TULP3: variants seen among roughly 807,000 people sequenced by gnomAD.
The protein encoded by TULP3 is tubby-related protein 3.
TULP3 carries 38 observed loss-of-function variants against 50.7 expected under a neutral mutation model. That is an observed-to-expected ratio of 0.75 (90% confidence interval 0.58 to 0.98). The LOEUF is 0.98. Ranked by LOEUF, TULP3 falls within the 50% of genes least tolerant of loss-of-function variation. The pLI is 0.00. For missense variants in TULP3, 550 were observed against 568.0 expected (o/e 0.97, Z 0.32); for synonymous variants, 183 against 196.6 (o/e 0.93, Z 0.58).
At chr12:2,930,193 A>C in intron 4 of TULP3, 55 bp from the exon 5 acceptor site, 6 of 1,233,870 alleles carry the variant, frequency 4.9e-6, no homozygotes, top group Non-Finnish European at 6.9e-6. Flanking sequence ...TCTTTGTTTC[A>C]AAGACCTTTT....
intron 1 of TULP3, among the ~76,000 whole-genome samples, chr12:2,900,928 G>A (rs1259677487): frequency 6.8e-6 from 1 of 147,698 alleles, no homozygotes; most frequent in Non-Finnish European, 1.5e-5. Flanking sequence ...GCCCAGGCTG[G>A]TCTTGAGCTC....
At chr12:2,929,503 G>T (rs1311759003) in intron 4 of TULP3, among the ~76,000 whole-genome samples, 1 of 152,188 alleles carries the variant, frequency 6.6e-6, no homozygotes, top group African/African-American at 2.4e-5. Context: ...ATGGAGACAG[G>T]TCTCAAACTG....
In TULP3 at chr12:2,939,790, C is replaced by T. The variant is rs1299556409; in HGVS notation, c.*346C>T. The T allele has an allele frequency of 1.7e-6, 2 of 1,197,096 alleles. No individual in the cohort carries two copies. The highest frequency in any genetic ancestry group is 3.2e-5 in the African/African-American group (2 of 63,124). 74.2% of individuals were successfully genotyped at this position (1,197,096 alleles called of 1,614,324 possible). A position where few individuals can be genotyped will look rare whatever the true frequency, so the allele number is the denominator to read the frequency against. On this transcript the variant is annotated 3_prime_UTR_variant, in exon 11 of 11. Coordinates refer to ENST00000448120, the MANE Select transcript of TULP3 (RefSeq NM_003324.5). The surrounding 1 kb of genome is among the most constrained non-coding windows in gnomAD (Gnocchi z 4.0). ...AATAGTTTGCCCCTTTTGGAACGAC[C>T]CCTGAATATATAAAACACACACACA... is the stretch of plus-strand genomic sequence containing the variant.
intron 4 of TULP3, among the ~76,000 whole-genome samples, chr12:2,929,641 A>C (rs139618653): frequency 6.6e-6 from 1 of 151,578 alleles, no homozygotes. Flanking sequence ...CCCAGGCTAT[A>C]GTACAGTGGC....
In TULP3 at chr12:2,940,816, C is replaced by G. The variant is rs2098204399; in HGVS notation, c.*1372C>G. ...GGTGAGGACGAGACTGTTTCCATCT[C>G]AGGCATGTATCCCACCAAGTGCCTC... On this transcript the variant is annotated 3_prime_UTR_variant, in exon 11 of 11. Coordinates refer to ENST00000448120, the MANE Select transcript of TULP3 (RefSeq NM_003324.5). 1.6e-6 allele frequency: 2 copies of G among 1,228,870 alleles called. No individual in the cohort carries two copies. Among genetic ancestry groups the G allele is most frequent in the East Asian group, 5.2e-5 (2 of 38,742 alleles). The allele number at this position is 1,228,870 out of a possible 1,614,324, so 76.1% of individuals were successfully genotyped here.
Position 2,920,925 on chromosome 12 carries a change from G to C in TULP3, c.253+3G>C, listed in dbSNP as rs2098191327. ...CCACAGCAATGTCATCTTACATGGT[G>C]TGTATTTAGGCAGCATCACTTCCTA... On this transcript the variant is annotated splice_donor_region_variant and intron_variant, in intron 3 of 10. Transcript: ENST00000448120. 5 of 1,613,948 alleles carry C rather than the reference G, an allele frequency of 3.1e-6. No individual in the cohort carries two copies. The South Asian group carries it at 5.5e-5, about 18-fold the overall frequency.
chr12:2,933,491 AT>A lies in TULP3; in HGVS notation c.773del (p.Leu258TyrfsTer31). 1 of 1,614,036 alleles carries A rather than the reference AT, an allele frequency of 6.2e-7. No individual in the cohort carries two copies. Among genetic ancestry groups the A allele is most frequent in the Non-Finnish European group, 8.5e-7 (1 of 1,179,976 alleles). ...TACCTTATCTCCATTGATCCAGTTG[AT>A]TTATCTCGTGAAGGAGAAAGTTATG... ...ANYLISIDPV[D>X]LSREGESYVG... On this transcript the variant is annotated frameshift_variant, in exon 7 of 11. Transcript: ENST00000448120. LOFTEE classifies it high-confidence loss of function.
rs374399447 is a variant in TULP3, at chr12:2,909,453, GT to G, written c.42-75del. ...GATTGGTTCCAAATAGCCCAAAAGA[GT>G]ACATACATAAAAAGATGAAATTGAC... On this transcript the variant is annotated intron_variant, in intron 1 of 10. Coordinates refer to ENST00000448120, the MANE Select transcript of TULP3 (RefSeq NM_003324.5). The G allele has an allele frequency of 9.3e-5, 130 of 1,405,014 alleles. No homozygotes were observed. In the African/African-American group the frequency reaches 1.8e-3, roughly 20 times the overall value. The allele number at this position is 1,405,014 out of a possible 1,614,324, so 87.0% of individuals were successfully genotyped here. A position where few individuals can be genotyped will look rare whatever the true frequency, so the allele number is the denominator to read the frequency against.
At chr12:2,898,855 T>C (rs12313991) in intron 1 of TULP3, among the ~76,000 whole-genome samples, 2 of 113,462 alleles carry the variant, frequency 1.8e-5, no homozygotes, top group Non-Finnish European at 3.5e-5. Flanking sequence ...AATTTTTAAA[T>C]TTTTTGTAGA....
intron 3 of TULP3, among the ~76,000 whole-genome samples, chr12:2,921,177 C>T (rs1028526693): frequency 3.8e-4 from 58 of 152,108 alleles, no homozygotes; most frequent in African/African-American, 1.3e-3. Context: ...TTGCTTTTGT[C>T]GCCCAGGCTG....
At position 2,940,510 on chromosome 12, in the gene TULP3, C is replaced by A. The variant is rs745339201; in HGVS notation, c.*1066C>A. ...CCCTCCACGTATTATGTGACTCTTA[C>A]ACCAGTTCACCCTTCCCAGAATGTA... On this transcript the variant is annotated 3_prime_UTR_variant, in exon 11 of 11. Coordinates refer to ENST00000448120, the MANE Select transcript of TULP3 (RefSeq NM_003324.5). 9.1e-6 allele frequency: 14 copies of A among 1,537,350 alleles called. No individual in the cohort carries two copies. The highest frequency in any genetic ancestry group is 2.5e-5 in the East Asian group (1 of 40,766).
intron 2 of TULP3, among the ~76,000 whole-genome samples, chr12:2,920,177 A>G (rs962461696): frequency 6.6e-6 from 1 of 152,158 alleles, no homozygotes; most frequent in Non-Finnish European, 1.5e-5. Context: ...TGATAATGCT[A>G]TGATGATTCC....
At chr12:2,901,312 CT>C (rs371069831) in intron 1 of TULP3, among the ~76,000 whole-genome samples, 2,563 of 104,090 alleles carry the variant, frequency 0.025, 37 homozygotes, top group Middle Eastern at 0.036. Flanking sequence ...TTCTTTCTTT[CT>C]TTTTTTTTTT....
At position 2,912,533 on chromosome 12, in the gene TULP3, C is replaced by G. The variant is rs929374297; in HGVS notation, c.93+2953C>G. On this transcript the variant is annotated intron_variant, in intron 2 of 10. Transcript: ENST00000448120. ...GTACATTAGATTAGACTCAGGAATT[C>G]TGCTATGGCAGTGTCCCTTTGGTTA... 4.6e-5 allele frequency among the ~76,000 whole-genome samples: 7 copies of G among 152,320 alleles called. No individual in the cohort carries two copies. The South Asian group carries it at 8.3e-4, about 18-fold the overall frequency.
chr12:2,917,739 CG>C (rs927776767), intron 2 of TULP3, among the ~76,000 whole-genome samples: 1 of 150,160 alleles, frequency 6.7e-6, no homozygotes, highest in Non-Finnish European at 1.5e-5. Flanking sequence ...TAGCCGGGCG[CG>C]GTGCCGGACG....
chr12:2,940,870 C>T lies in TULP3; in HGVS notation c.*1426C>T. 3 of 726,392 alleles carry T rather than the reference C, an allele frequency of 4.1e-6. No individual in the cohort carries two copies. The highest frequency in any genetic ancestry group is 4.4e-6 in the Non-Finnish European group (2 of 453,884). The allele number at this position is 726,392 out of a possible 1,614,324, so 45.0% of individuals were successfully genotyped here. A position where few individuals can be genotyped will look rare whatever the true frequency, so the allele number is the denominator to read the frequency against. On this transcript the variant is annotated 3_prime_UTR_variant, in exon 11 of 11. Transcript: ENST00000448120. Reference sequence around the variant, plus strand: ...CACAGCCATGCCCAGAAGCCTCACACCTCGTCACCACCACCACCCCCCACC... The same window carrying T: ...CACAGCCATGCCCAGAAGCCTCACATCTCGTCACCACCACCACCCCCCACC...
chr12:2,902,782 A>G lies in TULP3; in HGVS notation c.42-6747A>G, dbSNP rs144842092. Among the ~76,000 whole-genome samples, 16 of 152,068 alleles carry G rather than the reference A, an allele frequency of 1.1e-4. No homozygotes were observed. In the East Asian group the frequency reaches 2.9e-3, roughly 28 times the overall value. ...TTTCTCTGTTACTTATCTTTAGCAA[A>G]TTTCTTCATTGTTCATACCATCTTC... On this transcript the variant is annotated intron_variant, in intron 1 of 10. Transcript: ENST00000448120.
intron 8 of TULP3, among the ~76,000 whole-genome samples, chr12:2,936,674 G>A (rs1298884054): frequency 2.6e-5 from 4 of 151,882 alleles, no homozygotes; most frequent in East Asian, 3.9e-4. Flanking sequence ...GCTTGAACCC[G>A]GGAGGCGGAG....
chr12:2,907,999 G>A (rs933885156), intron 1 of TULP3, among the ~76,000 whole-genome samples: 4 of 152,102 alleles, frequency 2.6e-5, no homozygotes, highest in Non-Finnish European at 5.9e-5. Context: ...AGGCATGTCA[G>A]AAAATCACAA....
Sources: gnomAD v4.1 joint callset for allele counts (sites outside exome capture counted in the v4.1 genomes callset) on GRCh38, gnomAD v4.1.1 for gene constraint, Gnocchi (gnomAD v3.1) non-coding constraint, MANE v1.5 for transcripts, NCBI Gene and HGNC (gene_info 2026-07-23, HGNC 2026-07-21) for gene names.